Variants in ZNF81 observed in about 807,000 individuals in gnomAD.
ZNF81 encodes the protein zinc finger protein 81, also known as zinc finger protein 81 (HFZ20).
ZNF81 carries 5 observed loss-of-function variants against 32.3 expected under a neutral mutation model. The observed-to-expected ratio is 0.15, with a 90% confidence interval of 0.08 to 0.33. The LOEUF (loss-of-function observed/expected upper bound fraction) is 0.33. Among genes scored for constraint, ZNF81 ranks in the 10% least tolerant of loss-of-function variants. The pLI, the probability that ZNF81 is intolerant of heterozygous loss-of-function variation, is 1.00. For synonymous variants in ZNF81, 163 were observed against 166.8 expected (o/e 0.98, Z 0.17); for missense variants, 379 against 479.8 (o/e 0.79, Z 1.96).
chrX:47,908,057 A>G (rs2058726905), intron 4 of ZNF81, among the ~76,000 whole-genome samples: 1 of 111,566 alleles, frequency 9.0e-6, no homozygotes, highest in Non-Finnish European at 1.9e-5. Flanking sequence ...ATTGAACTAT[A>G]TTAGAATAAA....
intron 2 of ZNF81, among the ~76,000 whole-genome samples, chrX:47,864,045 C>G (rs1036229443): frequency 9.0e-6 from 1 of 111,608 alleles, no homozygotes; most frequent in East Asian, 2.8e-4. Flanking sequence ...ATATGACCCT[C>G]GACACTTTTT....
rs782627767 is a variant in ZNF81, at chrX:47,915,728, A to G, written c.1082A>G (p.Asn361Ser). Residue 361 changes from asparagine to serine, a missense_variant, in exon 5 of 5, where the codon AAT becomes AGT. Transcript: ENST00000338637. The stretch of plus-strand genomic sequence containing the variant: ...ACTAGAGAGAAACCCTATAAATGCA[A>G]TGAATGTGGGAAATCATTTTTCCAG... ...THTREKPYKC[N>S]ECGKSFFQVS... The G allele has an allele frequency of 3.3e-6, 4 of 1,210,550 alleles. No homozygotes were observed. The highest frequency in any genetic ancestry group is 4.5e-6 in the Non-Finnish European group (4 of 895,106).
chrX:47,861,913 A>G (rs782813309), intron 2 of ZNF81, among the ~76,000 whole-genome samples: 2 of 112,257 alleles, frequency 1.8e-5, no homozygotes, highest in African/African-American at 6.5e-5. Context: ...GAATGTTTCC[A>G]GGGCCAAGGT....
At chrX:47,892,781 CT>C (rs1477044266) in intron 3 of ZNF81, among the ~76,000 whole-genome samples, 1 of 112,790 alleles carries the variant, frequency 8.9e-6, no homozygotes, top group Non-Finnish European at 1.9e-5. Context: ...TCGTGCCGTT[CT>C]TTTGGTGTAC....
intron 2 of ZNF81, chrX:47,860,719 G>C (rs2058536684): frequency 9.0e-6 from 1 of 111,420 alleles, no homozygotes; most frequent in African/African-American, 3.3e-5. Context: ...TTAAATTGTA[G>C]AACACCTGTT....
At chrX:47,890,878 C>T (rs1181156412) in intron 3 of ZNF81, among the ~76,000 whole-genome samples, 1 of 111,866 alleles carries the variant, frequency 8.9e-6, no homozygotes, top group African/African-American at 3.3e-5. Context: ...CACTGGACCC[C>T]TAGAAATTTC....
At position 47,891,810 on chromosome X, in the gene ZNF81, T is replaced by C. The variant is rs2058663364; in HGVS notation, c.181+3685T>C. Among the ~76,000 whole-genome samples, 3 of 112,054 alleles carry C rather than the reference T, an allele frequency of 2.7e-5. No individual in the cohort carries two copies. In the Admixed American group the frequency reaches 2.8e-4, roughly 11 times the overall value. On this transcript the variant is annotated intron_variant, in intron 3 of 4. Transcript: ENST00000338637. ...GTCCAGTAATTCCCAAAATGTCTGA[T>C]TATTCTTTTTTCCCAATACATAGTT...
intron 1 of ZNF81, among the ~76,000 whole-genome samples, chrX:47,843,952 GT>G (rs1197277024): frequency 9.0e-6 from 1 of 111,303 alleles, no homozygotes; most frequent in African/African-American, 3.3e-5. Context: ...TAATTCTAAT[GT>G]TTTAGGTTGA....
chrX:47,910,873 G>A (rs1327101704), intron 4 of ZNF81, among the ~76,000 whole-genome samples: 1 of 111,306 alleles, frequency 9.0e-6, no homozygotes, highest in African/African-American at 3.3e-5. Context: ...CCTCTTAGCT[G>A]TCTTTTCTTA....
At chrX:47,853,342 C>T (rs1039945640) in intron 2 of ZNF81, among the ~76,000 whole-genome samples, 3 of 109,709 alleles carry the variant, frequency 2.7e-5, no homozygotes, top group African/African-American at 6.6e-5. Flanking sequence ...CCACCACGCC[C>T]AGCTAATTTT....
intron 4 of ZNF81, among the ~76,000 whole-genome samples, chrX:47,907,552 A>G (rs1429231121): frequency 1.8e-5 from 2 of 111,701 alleles, no homozygotes; most frequent in Non-Finnish European, 3.8e-5. Context: ...GAAAAAAAAA[A>G]TTGGCCATAT....
At chrX:47,841,769 T>C (rs1603161040) in intron 1 of ZNF81, 3 of 412,506 alleles carry the variant, frequency 7.3e-6, no homozygotes, top group East Asian at 7.7e-5. Flanking sequence ...ATTGTTCTTT[T>C]CAAAAGACCA....
In ZNF81 at chrX:47,917,233, T is replaced by C. The variant is rs2058760510; in HGVS notation, c.*601T>C. ...ATATTTCTATCAAGTGAATCCACAATTTAAAAGTCACTTTGGTTTTATATA... is the reference window on the plus strand; with the variant it reads ...ATATTTCTATCAAGTGAATCCACAACTTAAAAGTCACTTTGGTTTTATATA... On this transcript the variant is annotated 3_prime_UTR_variant, in exon 5 of 5. Transcript: ENST00000338637. 6.7e-6 allele frequency: 2 copies of C among 297,069 alleles called. No homozygotes were observed. Among genetic ancestry groups the C allele is most frequent in the Non-Finnish European group, 5.9e-6 (1 of 169,846 alleles). 24.5% of individuals were successfully genotyped at this position (297,069 alleles called of 1,213,427 possible). A position where few individuals can be genotyped will look rare whatever the true frequency, so the allele number is the denominator to read the frequency against.
chrX:47,875,017 C>A (rs2148021126), intron 2 of ZNF81, among the ~76,000 whole-genome samples: 1 of 109,883 alleles, frequency 9.1e-6, no homozygotes, highest in African/African-American at 3.3e-5. Context: ...TGCAGGGAAA[C>A]CCCCTAAGGG....
chrX:47,871,757 A>G (rs1372543523), intron 2 of ZNF81, among the ~76,000 whole-genome samples: 1 of 111,979 alleles, frequency 8.9e-6, no homozygotes, highest in Non-Finnish European at 1.9e-5. Context: ...AAGGGTATGC[A>G]GAAGAGTCAG....
chrX:47,885,655 T>G (rs73632366), intron 2 of ZNF81, among the ~76,000 whole-genome samples: 2,186 of 111,894 alleles, frequency 0.02, 59 homozygotes, highest in African/African-American at 0.068. Flanking sequence ...GGGTGAATTC[T>G]GTGTCCTCAC....
At chrX:47,865,414 G>A (rs1286755287) in intron 2 of ZNF81, among the ~76,000 whole-genome samples, 1 of 111,984 alleles carries the variant, frequency 8.9e-6, no homozygotes, top group African/African-American at 3.2e-5. Context: ...TGGTGACTCT[G>A]TAAGGACAAT....
chrX:47,903,053 C>T (rs781877263), intron 4 of ZNF81, among the ~76,000 whole-genome samples: 4 of 111,159 alleles, frequency 3.6e-5, no homozygotes, highest in Admixed American at 9.6e-5. Context: ...ATTGATGGGA[C>T]GTATCTCAAA....
chrX:47,889,366 C>T (rs1390220615), intron 3 of ZNF81, among the ~76,000 whole-genome samples: 1 of 112,175 alleles, frequency 8.9e-6, no homozygotes. Flanking sequence ...CGACTGTGAA[C>T]ATGTGTCATC....
Sources: gnomAD v4.1 joint callset for allele counts (sites outside exome capture counted in the v4.1 genomes callset) on GRCh38, gnomAD v4.1.1 for gene constraint, MANE v1.5 for transcripts, NCBI Gene and HGNC (gene_info 2026-07-23, HGNC 2026-07-21) for gene names.